Variants in MTOR observed in about 807,000 individuals in gnomAD.
The protein encoded by MTOR is serine/threonine-protein kinase mTOR.
A neutral mutation model predicts 319.8 loss-of-function variants in MTOR; 70 were observed. The ratio of observed to expected loss-of-function variants is 0.22; its 90% CI spans 0.18 to 0.27. The LOEUF (loss-of-function observed/expected upper bound fraction) is 0.27, where lower values mean the gene tolerates loss of function less well. MTOR is among the 10% of genes least tolerant of loss of function. The pLI is 1.00. For missense variants in MTOR, 1,890 were observed against 3,274.4 expected (o/e 0.58, Z 10.32); for synonymous variants, 1,183 against 1,211.4 (o/e 0.98, Z 0.49).
chr1:11,153,212 C>CA (rs1283474029), intron 30 of MTOR, among the ~76,000 whole-genome samples: 1 of 152,028 alleles, frequency 6.6e-6, no homozygotes, highest in African/African-American at 2.4e-5. Flanking sequence ...GGAGAGGTTT[C>CA]AAGAGGGAAG....
At position 11,139,391 on chromosome 1, in the gene MTOR, C is replaced by T. The variant is rs55774271; in HGVS notation, c.5043G>A (p.Pro1681=). Residue 1681 remains proline, a synonymous_variant, in exon 36 of 58, where the codon CCG becomes CCA. Transcript: ENST00000361445. ...GCAGAGGATGGTCAAGTTGCCGAGA[C>T]GGATCAACTCCCAGGAGCAACACTA... ...KTLVLLLGVD[P]SRQLDHPLPT... 3,538 of 1,613,860 alleles carry T rather than the reference C, an allele frequency of 2.2e-3. 57 individuals carry two copies. The African/African-American group carries it at 0.038, about 17-fold the overall frequency.
At chr1:11,224,537 C>CA (rs1646768909) in intron 19 of MTOR, among the ~76,000 whole-genome samples, 1 of 152,014 alleles carries the variant, frequency 6.6e-6, no homozygotes, top group Admixed American at 6.6e-5. Context: ...TAGAAGGACA[C>CA]AAAAGATTTG....
chr1:11,170,123 A>T (rs1261204306), intron 28 of MTOR, among the ~76,000 whole-genome samples: 1 of 152,238 alleles, frequency 6.6e-6, no homozygotes, highest in Non-Finnish European at 1.5e-5. Context: ...CTGCTACAAA[A>T]TTCGGAGATG....
rs1273296950 is a variant in MTOR at position 11,127,030 on chromosome 1, T to C, written c.6331A>G (p.Ile2111Val). The change falls in exon 45 of 58, where the codon ATC becomes GTC. Residue 2111 changes from isoleucine (I) to valine (V), a missense_variant. Ile to Val is a conservative substitution (Grantham distance 29). Around this residue, in one of 15 missense-constraint regions of MTOR, gnomAD observed 249 missense variants for 596.2 expected, o/e 0.42. Coordinates refer to ENST00000361445, the MANE Select transcript of MTOR (RefSeq NM_004958.4). The surrounding 1 kb of genome is among the most constrained non-coding windows in gnomAD (Gnocchi z 5.5). ...CCTACCTGAGGCAGCTGCTTTGAGA[T>C]TCGTCGGAACACATGATAATAGAGG... ...WDLYYHVFRRISKQLPQLTSL... is the reference protein window; with the variant it reads ...WDLYYHVFRRVSKQLPQLTSL... 6.2e-7 allele frequency: 1 copy of C among 1,614,026 alleles called. No individual in the cohort carries two copies. The highest frequency in any genetic ancestry group is 1.3e-5 in the African/African-American group (1 of 74,916).
intron 30 of MTOR, 145 bp from the exon 31 acceptor site, chr1:11,150,371 GAGAATC>G: frequency 1.6e-6 from 1 of 622,612 alleles, no homozygotes; most frequent in Non-Finnish European, 2.8e-6. Flanking sequence ...TCACATAATA[GAGAATC>G]AATGGGCTAT....
Position 11,241,740 on chromosome 1 carries a change from T to C in MTOR, c.1413-59A>G. ...TAATGACATTCTTTAATGTCCCACC[T>C]CAAAATCACCTTGGGGCAAGGAGAG... On this transcript the variant is annotated intron_variant, in intron 9 of 57. Coordinates refer to ENST00000361445, the MANE Select transcript of MTOR (RefSeq NM_004958.4). The C allele has an allele frequency of 5.1e-6, 8 of 1,567,916 alleles. No individual in the cohort carries two copies. In the South Asian group the frequency reaches 8.2e-5, roughly 16 times the overall value.
intron 26 of MTOR, 131 bp downstream of exon 26, chr1:11,204,426 TTCTC>T: frequency 8.0e-7 from 1 of 1,245,302 alleles, no homozygotes; most frequent in Non-Finnish European, 1.1e-6. Flanking sequence ...GAATTTGTCT[TTCTC>T]TTTCTTTGTA....
chr1:11,123,450 C>T (rs1004611875), intron 47 of MTOR, among the ~76,000 whole-genome samples: 10 of 133,462 alleles, frequency 7.5e-5, no homozygotes, highest in Non-Finnish European at 1.4e-4. Context: ...GGATTACAGG[C>T]GTGAGTCACT....
In MTOR at chr1:11,133,117, T is replaced by C; in HGVS notation, c.5327A>G (p.Tyr1776Cys). The part of the protein sequence containing the change: ...ESTIPKVLQY[Y>C]SAATEHDRSW... ...GCGGTCGTGCTCTGTGGCGGCGCTG[T>C]AGTACTGCAGCACTTTGGGGATTGT... Residue 1776 changes from tyrosine (Y) to cysteine (C), a missense_variant, in exon 38 of 58, where the codon TAC becomes TGC. Coordinates refer to ENST00000361445, the MANE Select transcript of MTOR (RefSeq NM_004958.4). The surrounding 1 kb of genome is among the most constrained non-coding windows in gnomAD (Gnocchi z 4.0). 1 of 1,614,162 alleles carries C rather than the reference T, an allele frequency of 6.2e-7. No individual in the cohort carries two copies. Among genetic ancestry groups the C allele is most frequent in the East Asian group, 2.2e-5 (1 of 44,878 alleles).
At chr1:11,255,936 G>A in intron 5 of MTOR, 56 bp downstream of exon 5, 1 of 1,545,630 alleles carries the variant, frequency 6.5e-7, no homozygotes, top group Admixed American at 1.8e-5. Flanking sequence ...TTTAGGCCAG[G>A]TGATTCTCTA....
chr1:11,126,524 A>G, intron 46 of MTOR, 98 bp downstream of exon 46: 1 of 1,319,624 alleles, frequency 7.6e-7, no homozygotes, highest in Non-Finnish European at 1.0e-6. Context: ...ATGATAGGTG[A>G]GTAGTGGGAA....
chr1:11,146,277 C>T (rs1243863906), intron 32 of MTOR, among the ~76,000 whole-genome samples: 2 of 152,194 alleles, frequency 1.3e-5, no homozygotes, highest in African/African-American at 2.4e-5. Context: ...CTAGCTTCCT[C>T]GGAAGGTAAT....
chr1:11,242,500 C>CAAAAAAAAAAAAAAAAAAAAAAAAAAA (rs70977555), intron 9 of MTOR, among the ~76,000 whole-genome samples: 1 of 52,632 alleles, frequency 1.9e-5, no homozygotes, highest in Non-Finnish European at 3.1e-5. Flanking sequence ...GACTCCATCT[C>CAAAAAAAAAAAAAAAAAAAAAAAAAAA]AAAAAAAAAA....
intron 8 of MTOR, among the ~76,000 whole-genome samples, chr1:11,245,835 AGTAG>A (rs2100932233): frequency 1.3e-5 from 2 of 152,274 alleles, no homozygotes; most frequent in South Asian, 4.1e-4. Flanking sequence ...GCTTGAGCTC[AGTAG>A]GTCATGGCTG....
chr1:11,204,404 T>A (rs977077007), intron 26 of MTOR, among the ~76,000 whole-genome samples, 157 bp downstream of exon 26: 38 of 152,268 alleles, frequency 2.5e-4, no homozygotes, highest in Non-Finnish European at 5.9e-5. Context: ...GATGCTACAG[T>A]ATGAGCTTGT....
intron 13 of MTOR, 84 bp downstream of exon 13, chr1:11,237,759 G>T: frequency 1.4e-6 from 2 of 1,454,424 alleles, no homozygotes; most frequent in South Asian, 1.2e-5. Flanking sequence ...CCCCATCCTT[G>T]TCCTCAACTC....
At chr1:11,197,153 C>G (rs28990674) in intron 28 of MTOR, among the ~76,000 whole-genome samples, 1,807 of 152,224 alleles carry the variant, frequency 0.012, 48 homozygotes, top group African/African-American at 0.041. Flanking sequence ...GGAATTCAAT[C>G]CCTTACTGCA....
At chr1:11,230,623 G>A (rs953605430) in intron 18 of MTOR, among the ~76,000 whole-genome samples, 1 of 152,142 alleles carries the variant, frequency 6.6e-6, no homozygotes, top group Admixed American at 6.5e-5. Context: ...GAAAGAATGA[G>A]AGATAGATAG....
chr1:11,190,988 G>A (rs188531896), intron 28 of MTOR, among the ~76,000 whole-genome samples: 32 of 152,220 alleles, frequency 2.1e-4, no homozygotes, highest in South Asian at 6.2e-4. Context: ...ATGGACTTCC[G>A]GGCCCTCAGT....
Sources: allele counts gnomAD v4.1 joint callset (sites outside exome capture counted in the v4.1 genomes callset), GRCh38; gene constraint gnomAD v4.1.1; regional missense constraint gnomAD v4.1.1; non-coding constraint Gnocchi (gnomAD v3.1); transcripts MANE v1.5; gene names NCBI Gene and HGNC (gene_info 2026-07-23, HGNC 2026-07-21).